The following HHIP variants were observed in gnomAD, a reference collection of about 807,000 sequenced individuals.
HHIP encodes the protein hedgehog-interacting protein.
Under a neutral mutation model 74.0 loss-of-function variants are expected in HHIP, and 12 were observed. That is an observed-to-expected ratio of 0.16 (90% CI 0.10 to 0.26). HHIP has a LOEUF of 0.26. Among genes scored for constraint, HHIP ranks in the 10% least tolerant of loss-of-function variants. The pLI is 1.00. For missense variants in HHIP, 788 were observed against 845.0 expected (o/e 0.93, Z 0.84); for synonymous variants, 309 against 311.6 (o/e 0.99, Z 0.09).
At position 144,659,795 on chromosome 4, in the gene HHIP, A is replaced by C. The variant is rs749051437; in HGVS notation, c.788A>C (p.Glu263Ala). 8 of 1,611,060 alleles carry C rather than the reference A, an allele frequency of 5.0e-6. No homozygotes were observed. The highest frequency in any genetic ancestry group is 1.7e-4 in the Middle Eastern group (1 of 6,036). ...ACCCCTGAAGGAGAAATTTTCAAGGAGCCTTATTTGGACATTCACAAACTT... is the reference window on the plus strand; with the variant it reads ...ACCCCTGAAGGAGAAATTTTCAAGGCGCCTTATTTGGACATTCACAAACTT... ...ILTPEGEIFK[E>A]PYLDIHKLVQ... The change falls in exon 4 of 13, where the codon GAG becomes GCG. Residue 263 changes from glutamate to alanine, a missense_variant. By Grantham distance (107) the Glu-to-Ala change is moderately radical. Transcript: ENST00000296575.
At chr4:144,686,714 A>C (rs568729616) in intron 4 of HHIP, among the ~76,000 whole-genome samples, 2 of 152,264 alleles carry the variant, frequency 1.3e-5, no homozygotes, top group South Asian at 4.1e-4. Flanking sequence ...AAAGATTATT[A>C]AAGACCTACA....
Position 144,708,352 on chromosome 4 carries a change from G to C in HHIP, c.1301+41G>C, listed in dbSNP as rs1198797645. The stretch of plus-strand genomic sequence containing the variant: ...TGTCTTCTCACTGGCTTTTAAGCCA[G>C]GCGGGGATCCGAGAACTGGGAAAAT... On this transcript the variant is annotated intron_variant, in intron 7 of 12. Coordinates refer to ENST00000296575, the MANE Select transcript of HHIP (RefSeq NM_022475.3). 3.7e-6 allele frequency: 6 copies of C among 1,609,984 alleles called. No individual in the cohort carries two copies. In the African/African-American group the frequency reaches 8.0e-5, roughly 22 times the overall value.
At chr4:144,680,899 G>T (rs538404468) in intron 4 of HHIP, among the ~76,000 whole-genome samples, 1 of 152,124 alleles carries the variant, frequency 6.6e-6, no homozygotes, top group Non-Finnish European at 1.5e-5. Flanking sequence ...CCATCTCATT[G>T]TTCCCAGTAT....
chr4:144,651,513 G>A (rs1469068851), intron 1 of HHIP, among the ~76,000 whole-genome samples: 2 of 151,950 alleles, frequency 1.3e-5, no homozygotes, highest in Non-Finnish European at 2.9e-5. Context: ...GTTTAAAACA[G>A]TGCTCTAGAA....
At chr4:144,684,415 C>A (rs1358656412) in intron 4 of HHIP, among the ~76,000 whole-genome samples, 2 of 150,256 alleles carry the variant, frequency 1.3e-5, no homozygotes, top group Non-Finnish European at 3.0e-5. Context: ...CTCGCCACCA[C>A]GCCCGGCTAT....
chr4:144,708,423 T>G (rs538375492), intron 7 of HHIP, 112 bp downstream of exon 7: 179 of 1,023,910 alleles, frequency 1.7e-4, no homozygotes, highest in Non-Finnish European at 2.5e-4. Context: ...AGGTAGTATC[T>G]AAGGCCATGC....
intron 1 of HHIP, among the ~76,000 whole-genome samples, chr4:144,652,019 T>C (rs763732750): frequency 1.3e-5 from 2 of 152,108 alleles, no homozygotes; most frequent in Admixed American, 6.6e-5. Flanking sequence ...TGATTTCACT[T>C]TGGATATTAT....
chr4:144,729,140 T>C (rs1422439261), intron 11 of HHIP, among the ~76,000 whole-genome samples: 2 of 152,186 alleles, frequency 1.3e-5, no homozygotes, highest in South Asian at 2.1e-4. Flanking sequence ...CTAGCACTTA[T>C]TCCTATTCGT....
intron 12 of HHIP, among the ~76,000 whole-genome samples, chr4:144,736,206 G>A (rs983397034): frequency 7.0e-6 from 1 of 143,004 alleles, no homozygotes; most frequent in African/African-American, 2.6e-5. Context: ...GGCAATCTCG[G>A]CTCACCACAA....
chr4:144,651,610 C>G (rs969253703), intron 1 of HHIP, among the ~76,000 whole-genome samples: 4 of 151,884 alleles, frequency 2.6e-5, no homozygotes, highest in African/African-American at 9.7e-5. Context: ...AAATTCAATT[C>G]CATTATGATG....
chr4:144,687,336 C>A (rs1248827780), intron 4 of HHIP, among the ~76,000 whole-genome samples: 3 of 152,134 alleles, frequency 2.0e-5, no homozygotes, highest in Non-Finnish European at 4.4e-5. Context: ...GCTACTCAGA[C>A]AAATCAAAGG....
chr4:144,693,389 A>C lies in HHIP; in HGVS notation c.832-13142A>C, dbSNP rs1196810928. Among the ~76,000 whole-genome samples the C allele has an allele frequency of 2.0e-5, 3 of 152,084 alleles. No individual in the cohort carries two copies. The East Asian group carries it at 5.8e-4, about 29-fold the overall frequency. On this transcript the variant is annotated intron_variant, in intron 4 of 12. Transcript: ENST00000296575. ...CCCTCAAATTCTGTCCTTTGATCCA[A>C]AATTGTATTAATCATAGATATTTAA...
At chr4:144,660,066 G>T in intron 4 of HHIP, 1 of 549,280 alleles carries the variant, frequency 1.8e-6, no homozygotes, top group South Asian at 2.8e-5. Context: ...TATTTGACAT[G>T]CTTTCCCCAT....
At chr4:144,668,297 G>A (rs757755864) in intron 4 of HHIP, among the ~76,000 whole-genome samples, 5 of 151,730 alleles carry the variant, frequency 3.3e-5, no homozygotes, top group Non-Finnish European at 5.9e-5. Context: ...ACTCGAGCCC[G>A]GGTGACAGTC....
intron 4 of HHIP, among the ~76,000 whole-genome samples, chr4:144,688,257 T>A (rs1729541306): frequency 6.6e-6 from 1 of 152,092 alleles, no homozygotes; most frequent in Non-Finnish European, 1.5e-5. Flanking sequence ...CAGAATAGCT[T>A]GTTGTTGAAG....
chr4:144,713,742 G>T (rs1730364401), intron 8 of HHIP, among the ~76,000 whole-genome samples: 1 of 152,120 alleles, frequency 6.6e-6, no homozygotes, highest in Non-Finnish European at 1.5e-5. Flanking sequence ...ATAAATGCAT[G>T]TTTAAAGACC....
At position 144,738,115 on chromosome 4, in the gene HHIP, A is replaced by T. The variant is rs1731170482; in HGVS notation, c.*158A>T. The T allele has an allele frequency of 7.6e-7, 1 of 1,315,824 alleles. No individual in the cohort carries two copies. The highest frequency in any genetic ancestry group is 1.5e-5 in the African/African-American group (1 of 67,088). 81.5% of individuals were successfully genotyped at this position (1,315,824 alleles called of 1,614,324 possible). On this transcript the variant is annotated 3_prime_UTR_variant, in exon 13 of 13. Coordinates refer to ENST00000296575, the MANE Select transcript of HHIP (RefSeq NM_022475.3). ...AGAAATGTGCAGATCCTCTGTGTGT[A>T]TGTCAGCATGTTTGTTCACATATGC... is the stretch of plus-strand genomic sequence containing the variant.
At chr4:144,737,478 T>C (rs1277223391) in intron 12 of HHIP, among the ~76,000 whole-genome samples, 2 of 152,214 alleles carry the variant, frequency 1.3e-5, no homozygotes, top group African/African-American at 2.4e-5. Flanking sequence ...GACTAAAATC[T>C]TCATTTTAAA....
intron 11 of HHIP, among the ~76,000 whole-genome samples, chr4:144,725,786 A>C (rs1430016885): frequency 6.6e-6 from 1 of 152,070 alleles, no homozygotes; most frequent in Non-Finnish European, 1.5e-5. Context: ...CTCCTGCCTC[A>C]GCCTCCCAAG....
Sources: gnomAD v4.1 joint callset for allele counts (sites outside exome capture counted in the v4.1 genomes callset) on GRCh38, gnomAD v4.1.1 for gene constraint, MANE v1.5 for transcripts, NCBI Gene and HGNC (gene_info 2026-07-23, HGNC 2026-07-21) for gene names.